ATRNL1: variants seen among roughly 807,000 people sequenced by gnomAD.
ATRNL1 encodes the protein attractin like 1.
Under a neutral mutation model 182.7 loss-of-function variants are expected in ATRNL1, and 95 were observed. That is an observed-to-expected ratio of 0.52 (90% confidence interval 0.44 to 0.62). The LOEUF is 0.62. Among genes scored for constraint, ATRNL1 ranks in the 20% least tolerant of loss-of-function variants. ATRNL1 has a pLI of 0.00. For missense variants in ATRNL1, 1,471 were observed against 1,679.5 expected, an observed-to-expected ratio of 0.88 and a Z score of 2.17; for synonymous variants, 576 against 568.3, an observed-to-expected ratio of 1.01 and a Z score of -0.19.
chr10:115,154,461 G>A (rs1342672883), intron 5 of ATRNL1, among the ~76,000 whole-genome samples: 1 of 152,074 alleles, frequency 6.6e-6, no homozygotes, highest in African/African-American at 2.4e-5. Context: ...TTACCATTAT[G>A]TAATGGTAAA....
chr10:115,438,457 T>G (rs1846510328), intron 21 of ATRNL1, among the ~76,000 whole-genome samples: 1 of 152,022 alleles, frequency 6.6e-6, no homozygotes, highest in African/African-American at 2.4e-5. Flanking sequence ...TCTTTCAAAA[T>G]GTCTTTTTAT....
At position 115,681,054 on chromosome 10, in the gene ATRNL1, T is replaced by G. The variant is rs146380991; in HGVS notation, c.3796-46194T>G. Among the ~76,000 whole-genome samples the G allele has an allele frequency of 3.7e-3, 569 of 152,244 alleles. 1 individual carries two copies. Among genetic ancestry groups the G allele is most frequent in the Middle Eastern group, 0.024 (7 of 294 alleles). Reference sequence around the variant, plus strand: ...GGCAGTCTATGAATAATATCCTTTTTTAAACTATCAAAATTTACATTACGT... The same window carrying G: ...GGCAGTCTATGAATAATATCCTTTTGTAAACTATCAAAATTTACATTACGT... On this transcript the variant is annotated intron_variant, in intron 26 of 28. Transcript: ENST00000355044.
At chr10:115,386,253 G>A (rs1165503564) in intron 19 of ATRNL1, among the ~76,000 whole-genome samples, 5 of 152,018 alleles carry the variant, frequency 3.3e-5, no homozygotes, top group Non-Finnish European at 7.4e-5. Context: ...GGTGTATAGA[G>A]CTTGCTCATA....
chr10:115,789,460 T>TCA (rs1555081162), intron 27 of ATRNL1, among the ~76,000 whole-genome samples: 1 of 152,208 alleles, frequency 6.6e-6, no homozygotes, highest in Non-Finnish European at 1.5e-5. Flanking sequence ...GTGTGCTTGA[T>TCA]GGTGCTGTTG....
At chr10:115,937,504 C>T (rs1164862964) in intron 28 of ATRNL1, among the ~76,000 whole-genome samples, 1 of 152,204 alleles carries the variant, frequency 6.6e-6, no homozygotes, top group Admixed American at 6.6e-5. Context: ...GGCCTTCCAA[C>T]AGATAAATTA....
At chr10:115,337,036 T>C (rs1855523028) in intron 19 of ATRNL1, among the ~76,000 whole-genome samples, 1 of 150,132 alleles carries the variant, frequency 6.7e-6, no homozygotes, top group East Asian at 2.0e-4. Flanking sequence ...TTTTTTTTTG[T>C]ATTTTTAATA....
chr10:115,667,133 G>A (rs1264689488), intron 26 of ATRNL1, among the ~76,000 whole-genome samples: 1 of 152,068 alleles, frequency 6.6e-6, no homozygotes, highest in Admixed American at 6.6e-5. Flanking sequence ...TGCCCCAGAA[G>A]CTGACTGTAG....
At chr10:115,803,126 A>G (rs1406377235) in intron 27 of ATRNL1, among the ~76,000 whole-genome samples, 1 of 152,192 alleles carries the variant, frequency 6.6e-6, no homozygotes, top group Non-Finnish European at 1.5e-5. Flanking sequence ...CACTAAGACC[A>G]CACTAAAAGG....
intron 21 of ATRNL1, among the ~76,000 whole-genome samples, chr10:115,446,517 T>TA (rs34175934): frequency 7.3e-5 from 11 of 151,694 alleles, no homozygotes; most frequent in African/African-American, 1.9e-4. Context: ...TTTAAATAGC[T>TA]AAAAAAACTC....
At chr10:115,455,725 CA>C (rs1428348353) in intron 21 of ATRNL1, among the ~76,000 whole-genome samples, 1 of 152,024 alleles carries the variant, frequency 6.6e-6, no homozygotes, top group African/African-American at 2.4e-5. Context: ...AAAATTTTTG[CA>C]ATCTATCCAT....
intron 2 of ATRNL1, among the ~76,000 whole-genome samples, chr10:115,120,508 A>T (rs1448554130): frequency 6.6e-6 from 1 of 152,030 alleles, no homozygotes; most frequent in East Asian, 1.9e-4. Context: ...TATTAAATTG[A>T]GTAGGCATTT....
At chr10:115,580,343 CT>C (rs1366706772) in intron 26 of ATRNL1, among the ~76,000 whole-genome samples, 1 of 151,938 alleles carries the variant, frequency 6.6e-6, no homozygotes, top group Non-Finnish European at 1.5e-5. Context: ...TTTATCTTCC[CT>C]TTGTTTTTGA....
chr10:115,509,224 G>A lies in ATRNL1; in HGVS notation c.3655-10039G>A, dbSNP rs551025346. On this transcript the variant is annotated intron_variant, in intron 24 of 28. Coordinates refer to ENST00000355044, the MANE Select transcript of ATRNL1 (RefSeq NM_207303.4). ...GAAAAAAAAGACTTCTTTCAAAATA[G>A]TACAGCTCATTCACAGTATACCTAG... Among the ~76,000 whole-genome samples, 32 of 152,090 alleles carry A rather than the reference G, an allele frequency of 2.1e-4. No individual in the cohort carries two copies. In the South Asian group the frequency reaches 6.4e-3, roughly 31 times the overall value.
At chr10:115,677,645 C>A (rs554483537) in intron 26 of ATRNL1, among the ~76,000 whole-genome samples, 5 of 152,104 alleles carry the variant, frequency 3.3e-5, no homozygotes, top group Non-Finnish European at 7.4e-5. Context: ...CGCCATGATT[C>A]TGAGGCCTCC....
chr10:115,846,214 A>T (rs1242987039), intron 27 of ATRNL1, among the ~76,000 whole-genome samples: 1 of 152,024 alleles, frequency 6.6e-6, no homozygotes, highest in East Asian at 1.9e-4. Flanking sequence ...CACCATCGCC[A>T]CTTTCACCTT....
chr10:115,222,763 A>G lies in ATRNL1; in HGVS notation c.1532+6883A>G, dbSNP rs537575771. On this transcript the variant is annotated intron_variant, in intron 9 of 28. Coordinates refer to ENST00000355044, the MANE Select transcript of ATRNL1 (RefSeq NM_207303.4). The stretch of plus-strand genomic sequence containing the variant: ...AAAACAATGACTGAGATAACTTGAC[A>G]GTAGTAGGCTTTCGATAAAGGAAAT... Among the ~76,000 whole-genome samples the G allele has an allele frequency of 3.9e-5, 6 of 152,332 alleles. No individual in the cohort carries two copies. In the East Asian group the frequency reaches 1.2e-3, roughly 29 times the overall value.
intron 5 of ATRNL1, among the ~76,000 whole-genome samples, chr10:115,155,240 C>A (rs1452144087): frequency 1.4e-5 from 2 of 144,024 alleles, no homozygotes; most frequent in Admixed American, 6.9e-5. Context: ...CTTTTTTTTT[C>A]TTTTTAAAAA....
chr10:115,510,322 A>G (rs1850325382), intron 24 of ATRNL1, among the ~76,000 whole-genome samples: 1 of 152,080 alleles, frequency 6.6e-6, no homozygotes, highest in Non-Finnish European at 1.5e-5. Flanking sequence ...ACAGCATTGC[A>G]TGCTGCAGAG....
intron 8 of ATRNL1, among the ~76,000 whole-genome samples, chr10:115,211,141 G>T (rs936522359): frequency 6.6e-6 from 1 of 150,724 alleles, no homozygotes; most frequent in African/African-American, 2.4e-5. Context: ...ATGCTGGTGC[G>T]CTGCACCCAC....
Sources: gnomAD v4.1 joint callset for allele counts (sites outside exome capture counted in the v4.1 genomes callset) on GRCh38, gnomAD v4.1.1 for gene constraint, MANE v1.5 for transcripts, NCBI Gene and HGNC (gene_info 2026-07-23, HGNC 2026-07-21) for gene names.